PLPPR1: variants seen among roughly 807,000 people sequenced by gnomAD.
PLPPR1 encodes phospholipid phosphatase related 1.
A neutral mutation model predicts 33.1 loss-of-function variants in PLPPR1; 10 were observed. The ratio of observed to expected loss-of-function variants is 0.30; its 90% CI spans 0.19 to 0.51. PLPPR1 has a LOEUF of 0.51. Ranked by LOEUF, PLPPR1 falls within the 20% of genes least tolerant of loss-of-function variation. The pLI, the probability that PLPPR1 is intolerant of heterozygous loss-of-function variation, is 0.97. For synonymous variants in PLPPR1, 151 were observed against 151.0 expected, an observed-to-expected ratio of 1.00 and a Z score of 0.00; for missense variants, 304 against 408.1, an observed-to-expected ratio of 0.74 and a Z score of 2.20.
intron 4 of PLPPR1, among the ~76,000 whole-genome samples, chr9:101,291,727 G>A (rs1196155148): frequency 6.6e-6 from 1 of 152,136 alleles, no homozygotes; most frequent in Non-Finnish European, 1.5e-5. Context: ...CGCAGCTGAG[G>A]GTCCTGTCTG....
intron 1 of PLPPR1, among the ~76,000 whole-genome samples, chr9:101,164,176 G>C (rs867660904): frequency 2.4e-4 from 36 of 151,972 alleles, no homozygotes; most frequent in African/African-American, 8.2e-4. Context: ...TCAAACTTGG[G>C]GCCAGACACT....
At chr9:101,099,902 AAG>A (rs1232705702) in intron 1 of PLPPR1, among the ~76,000 whole-genome samples, 3 of 152,122 alleles carry the variant, frequency 2.0e-5, no homozygotes, top group African/African-American at 7.2e-5. Context: ...ATAGAACTGA[AAG>A]AGAGTTTTCC....
chr9:101,172,957 G>C (rs1825966301), intron 1 of PLPPR1, among the ~76,000 whole-genome samples: 1 of 151,988 alleles, frequency 6.6e-6, no homozygotes, highest in Admixed American at 6.6e-5. Flanking sequence ...TTTCTCAGTT[G>C]TTTCAGGCAT....
At chr9:101,193,145 G>T (rs1826332028) in intron 2 of PLPPR1, among the ~76,000 whole-genome samples, 1 of 152,110 alleles carries the variant, frequency 6.6e-6, no homozygotes, top group South Asian at 2.1e-4. Context: ...AGAGAATGTA[G>T]GACTAAGAAA....
chr9:101,152,312 G>A (rs1379219781), intron 1 of PLPPR1, among the ~76,000 whole-genome samples: 6 of 152,174 alleles, frequency 3.9e-5, no homozygotes, highest in Non-Finnish European at 8.8e-5. Flanking sequence ...TTTGTCAGAT[G>A]AGTAGATTGC....
At chr9:101,207,790 A>G (rs1335646740) in intron 2 of PLPPR1, among the ~76,000 whole-genome samples, 1 of 152,214 alleles carries the variant, frequency 6.6e-6, no homozygotes, top group African/African-American at 2.4e-5. Flanking sequence ...GAAAAAAGAA[A>G]GAGTGCTTCT....
At chr9:101,062,881 A>T (rs607409) in intron 1 of PLPPR1, among the ~76,000 whole-genome samples, 86,671 of 151,762 alleles carry the variant, frequency 0.57, 24,792 homozygotes, top group Non-Finnish European at 0.6. Flanking sequence ...TGTCCACCAG[A>T]TTTGTGTAAT....
chr9:101,290,225 C>T (rs1388652629), intron 4 of PLPPR1, among the ~76,000 whole-genome samples: 1 of 152,162 alleles, frequency 6.6e-6, no homozygotes, highest in African/African-American at 2.4e-5. Flanking sequence ...GCTTAACCGT[C>T]TTTTTTCTAG....
At chr9:101,191,440 C>T (rs572885052) in intron 2 of PLPPR1, among the ~76,000 whole-genome samples, 1 of 152,252 alleles carries the variant, frequency 6.6e-6, no homozygotes, top group Admixed American at 6.5e-5. Flanking sequence ...CTTCTTCCTT[C>T]TCTCCCGTTC....
rs61376138 is a variant in PLPPR1, at chr9:101,122,840, G to GT, written c.-45-62608dup. Among the ~76,000 whole-genome samples, 853 of 152,332 alleles carry GT rather than the reference G, an allele frequency of 5.6e-3. 8 individuals are homozygous for GT. The highest frequency in any genetic ancestry group is 0.019 in the African/African-American group (797 of 41,580). On this transcript the variant is annotated intron_variant, in intron 1 of 7. Transcript: ENST00000374874. ...TCTTCTAACACCTAGTTAGCAACTG[G>GT]TTACTGTCAAAGACTGCTGTGTTTC...
intron 1 of PLPPR1, among the ~76,000 whole-genome samples, chr9:101,143,691 ACT>A (rs1379707610): frequency 3.3e-5 from 5 of 152,202 alleles, no homozygotes; most frequent in African/African-American, 1.2e-4. Context: ...GCTCATCATC[ACT>A]GGCCATCAGA....
intron 7 of PLPPR1, among the ~76,000 whole-genome samples, chr9:101,318,978 A>G (rs752772146): frequency 4.6e-5 from 7 of 152,154 alleles, no homozygotes; most frequent in Non-Finnish European, 7.4e-5. Flanking sequence ...ATGTTTTGTC[A>G]TAGTCTGTTT....
At chr9:101,296,246 G>T (rs1220780229) in intron 4 of PLPPR1, among the ~76,000 whole-genome samples, 2 of 151,562 alleles carry the variant, frequency 1.3e-5, no homozygotes, top group Non-Finnish European at 3.0e-5. Flanking sequence ...AAACCACAAT[G>T]AGATACCATC....
At chr9:101,167,199 T>TCA (rs1192955125) in intron 1 of PLPPR1, among the ~76,000 whole-genome samples, 14 of 51,782 alleles carry the variant, frequency 2.7e-4, no homozygotes, top group South Asian at 7.2e-4. Context: ...TCTCTCTCTC[T>TCA]CACACACACA....
At position 101,079,583 on chromosome 9, in the gene PLPPR1, C is replaced by CT. The variant is rs11361751; in HGVS notation, c.-46+50495dup. 1.8e-3 allele frequency among the ~76,000 whole-genome samples: 246 copies of CT among 138,742 alleles called. 2 individuals are homozygous for CT. Among genetic ancestry groups the CT allele is most frequent in the South Asian group, 0.011 (47 of 4,312 alleles). The allele number at this position is 138,742 out of a possible 152,430, so 91.0% of individuals were successfully genotyped here. ...TCTATTATCTTTTCATTTTGATTGC[C>CT]TTTTTTTTTTTTTTGAGACAGAGTC... On this transcript the variant is annotated intron_variant, in intron 1 of 7. Coordinates refer to ENST00000374874, the MANE Select transcript of PLPPR1 (RefSeq NM_207299.2).
intron 2 of PLPPR1, among the ~76,000 whole-genome samples, chr9:101,202,094 G>A (rs1355237494): frequency 6.6e-6 from 1 of 152,144 alleles, no homozygotes; most frequent in Non-Finnish European, 1.5e-5. Context: ...GACCACTCTT[G>A]CCACTAAAAA....
At chr9:101,043,240 A>G (rs1047361692) in intron 1 of PLPPR1, among the ~76,000 whole-genome samples, 2 of 151,342 alleles carry the variant, frequency 1.3e-5, no homozygotes, top group African/African-American at 4.9e-5. Context: ...CTGTTATTTC[A>G]TTCCTTTTTA....
intron 4 of PLPPR1, among the ~76,000 whole-genome samples, chr9:101,304,500 A>G (rs773745426): frequency 1.3e-5 from 2 of 152,244 alleles, no homozygotes; most frequent in Non-Finnish European, 2.9e-5. Flanking sequence ...GACAGATGGA[A>G]ATTATTGAAT....
intron 1 of PLPPR1, among the ~76,000 whole-genome samples, chr9:101,108,847 A>G (rs1831012207): frequency 6.6e-6 from 1 of 152,142 alleles, no homozygotes; most frequent in Non-Finnish European, 1.5e-5. Flanking sequence ...CAATGGGTTT[A>G]TTAGTGTTAT....
Sources: allele counts gnomAD v4.1 joint callset (sites outside exome capture counted in the v4.1 genomes callset), GRCh38; gene constraint gnomAD v4.1.1; transcripts MANE v1.5; gene names NCBI Gene and HGNC (gene_info 2026-07-23, HGNC 2026-07-21).